PABPC4L: variants seen among roughly 807,000 people sequenced by gnomAD.
The protein encoded by PABPC4L is polyadenylate-binding protein 4-like.
For missense variants in PABPC4L, 452 were observed against 451.4 expected (o/e 1.00, Z -0.01); for synonymous variants, 169 against 164.1 (o/e 1.03, Z -0.23).
chr4:134,077,753 C>T, the PABPC4L span, among the ~76,000 whole-genome samples: 2 of 152,224 alleles, frequency 1.3e-5, no homozygotes, highest in East Asian at 3.9e-4. Flanking sequence ...CCAGTATTCT[C>T]ATATCTGTTT....
chr4:134,060,068 A>T, the PABPC4L span, among the ~76,000 whole-genome samples: 1 of 152,052 alleles, frequency 6.6e-6, no homozygotes, highest in East Asian at 1.9e-4. Flanking sequence ...ACATTGCATT[A>T]AACTCATGCT....
At chr4:134,131,370 C>T in the PABPC4L span, among the ~76,000 whole-genome samples, 2 of 151,684 alleles carry the variant, frequency 1.3e-5, no homozygotes, top group Non-Finnish European at 2.9e-5. Flanking sequence ...ATTAATGTAC[C>T]CAAATTAGTA....
the PABPC4L span, among the ~76,000 whole-genome samples, chr4:134,033,760 G>C: frequency 2.0e-5 from 3 of 151,914 alleles, no homozygotes; most frequent in Non-Finnish European, 2.9e-5. Flanking sequence ...AGCTGCAGAA[G>C]AAAAGTTTGA....
At chr4:134,037,573 A>G in the PABPC4L span, among the ~76,000 whole-genome samples, 3 of 152,152 alleles carry the variant, frequency 2.0e-5, no homozygotes, top group Non-Finnish European at 4.4e-5. Flanking sequence ...AAGCAAGACA[A>G]AAGCAAATAA....
chr4:134,004,010 A>G, the PABPC4L span, among the ~76,000 whole-genome samples: 2 of 151,974 alleles, frequency 1.3e-5, no homozygotes, highest in Admixed American at 6.6e-5. Flanking sequence ...TTAAAGACTT[A>G]AGCATAAGAC....
chr4:134,033,884 C>T, the PABPC4L span, among the ~76,000 whole-genome samples: 1 of 151,930 alleles, frequency 6.6e-6, no homozygotes, highest in Non-Finnish European at 1.5e-5. Flanking sequence ...GGAGAAGCTG[C>T]AGCAAGTTAT....
At chr4:134,092,970 C>CT in the PABPC4L span, among the ~76,000 whole-genome samples, 1 of 151,926 alleles carries the variant, frequency 6.6e-6, no homozygotes, top group Non-Finnish European at 1.5e-5. Context: ...TTTTGATAAA[C>CT]TTTTTCTAGC....
the PABPC4L span, among the ~76,000 whole-genome samples, chr4:134,009,392 A>T: frequency 6.6e-6 from 1 of 152,008 alleles, no homozygotes; most frequent in Admixed American, 6.6e-5. Context: ...ATAGACTATA[A>T]ACATGTTTAG....
At chr4:134,036,402 A>G in the PABPC4L span, among the ~76,000 whole-genome samples, 1 of 152,122 alleles carries the variant, frequency 6.6e-6, no homozygotes, top group Non-Finnish European at 1.5e-5. Flanking sequence ...AGCTTCAAAC[A>G]TATTCATAGC....
chr4:134,182,908 A>G, the PABPC4L span, among the ~76,000 whole-genome samples: 2 of 152,152 alleles, frequency 1.3e-5, no homozygotes, highest in Non-Finnish European at 2.9e-5. Context: ...ACAATGAGAA[A>G]GCATCTTATA....
the PABPC4L span, among the ~76,000 whole-genome samples, chr4:134,120,678 T>A: frequency 6.6e-6 from 1 of 151,440 alleles, no homozygotes; most frequent in Non-Finnish European, 1.5e-5. Flanking sequence ...TTGTCATTCT[T>A]ATTATAAAGT....
At chr4:133,994,471 C>T in the PABPC4L span, among the ~76,000 whole-genome samples, 8 of 152,206 alleles carry the variant, frequency 5.3e-5, no homozygotes, top group African/African-American at 1.2e-4. Flanking sequence ...TTCTTCCCTC[C>T]GAATCCCAAC....
chr4:134,093,208 T>G, the PABPC4L span, among the ~76,000 whole-genome samples: 2 of 151,754 alleles, frequency 1.3e-5, no homozygotes, highest in Non-Finnish European at 2.9e-5. Flanking sequence ...TTTCATTTAT[T>G]ATTATTTCCT....
chr4:134,056,561 A>C, the PABPC4L span, among the ~76,000 whole-genome samples: 17 of 151,920 alleles, frequency 1.1e-4, no homozygotes, highest in Non-Finnish European at 1.9e-4. Context: ...TTCTGGTTAG[A>C]ATTATACCTA....
the PABPC4L span, among the ~76,000 whole-genome samples, chr4:134,001,978 T>A: frequency 2.6e-5 from 4 of 151,964 alleles, no homozygotes; most frequent in Non-Finnish European, 5.9e-5. Context: ...TCTTGAAAAA[T>A]ACAATGGCAA....
the PABPC4L span, among the ~76,000 whole-genome samples, chr4:134,054,266 A>G: frequency 4.3e-5 from 6 of 140,232 alleles, no homozygotes; most frequent in East Asian, 1.2e-3. Flanking sequence ...ATATATATAT[A>G]TATATATATA....
At chr4:134,008,127 G>T in the PABPC4L span, among the ~76,000 whole-genome samples, 1 of 151,728 alleles carries the variant, frequency 6.6e-6, no homozygotes, top group African/African-American at 2.4e-5. Context: ...TGAACTTGAT[G>T]AAGGAGTATT....
At chr4:134,031,414 T>C in the PABPC4L span, among the ~76,000 whole-genome samples, 1 of 152,132 alleles carries the variant, frequency 6.6e-6, no homozygotes, top group African/African-American at 2.4e-5. Context: ...TTTCATCTGG[T>C]ACCTTGACTG....
chr4:134,185,272 A>C, the PABPC4L span, among the ~76,000 whole-genome samples: 1 of 151,952 alleles, frequency 6.6e-6, no homozygotes, highest in Admixed American at 6.6e-5. Flanking sequence ...GATGAACATC[A>C]ATGCAAAAAT....
Sources: gnomAD v4.1 joint callset for allele counts (sites outside exome capture counted in the v4.1 genomes callset) on GRCh38, gnomAD v4.1.1 for gene constraint, MANE v1.5 for transcripts, NCBI Gene and HGNC (gene_info 2026-07-23, HGNC 2026-07-21) for gene names.